MYO1D: variants seen among roughly 807,000 people sequenced by gnomAD.
MYO1D encodes the protein unconventional myosin-Id.
Under a neutral mutation model 122.0 loss-of-function variants are expected in MYO1D, and 83 were observed. The ratio of observed to expected loss-of-function variants is 0.68; its 90% CI spans 0.57 to 0.82. The LOEUF is 0.82. Ranked by LOEUF, MYO1D falls within the 40% of genes least tolerant of loss-of-function variation. The pLI is 0.00. For synonymous variants in MYO1D, 464 were observed against 446.9 expected (o/e 1.04, Z -0.48); for missense variants, 1,157 against 1,269.5 (o/e 0.91, Z 1.35).
chr17:32,607,713 T>C (rs1051664382), intron 20 of MYO1D, among the ~76,000 whole-genome samples: 3 of 152,304 alleles, frequency 2.0e-5, no homozygotes, highest in African/African-American at 7.2e-5. Flanking sequence ...ATAACAGTTT[T>C]GTAAATGAAG....
At chr17:32,776,179 A>G (rs1184683759) in intron 3 of MYO1D, 150 bp from the exon 4 acceptor site, 11 of 674,506 alleles carry the variant, frequency 1.6e-5, no homozygotes, top group Admixed American at 3.4e-5. Flanking sequence ...CAAACAAATT[A>G]ATGTCCACCA....
intron 21 of MYO1D, among the ~76,000 whole-genome samples, chr17:32,603,733 C>G (rs577336283): frequency 8.6e-5 from 13 of 151,972 alleles, no homozygotes; most frequent in East Asian, 1.9e-4. Flanking sequence ...CACTGTGTTA[C>G]CCAGGATGGT....
chr17:32,547,236 A>G (rs1240370238), intron 21 of MYO1D, among the ~76,000 whole-genome samples: 1 of 152,162 alleles, frequency 6.6e-6, no homozygotes, highest in Non-Finnish European at 1.5e-5. Context: ...AGCAGCAATC[A>G]AGTCTTTTTT....
intron 21 of MYO1D, among the ~76,000 whole-genome samples, chr17:32,582,680 G>T (rs1329810041): frequency 6.6e-6 from 1 of 152,096 alleles, no homozygotes; most frequent in Non-Finnish European, 1.5e-5. Flanking sequence ...TCAGTTGATA[G>T]TGTTCACATT....
chr17:32,739,875 T>C (rs1231861747), intron 13 of MYO1D, among the ~76,000 whole-genome samples: 1 of 152,126 alleles, frequency 6.6e-6, no homozygotes. Flanking sequence ...AATGTGTGGA[T>C]TGACTGGGTC....
chr17:32,511,605 C>CTTT (rs5819985), intron 21 of MYO1D, among the ~76,000 whole-genome samples: 5 of 143,640 alleles, frequency 3.5e-5, no homozygotes, highest in African/African-American at 1.0e-4. Context: ...CTGTATTGAA[C>CTTT]TTTTTTTTTT....
intron 1 of MYO1D, among the ~76,000 whole-genome samples, chr17:32,857,203 C>T (rs1389068147): frequency 6.6e-6 from 1 of 152,108 alleles, no homozygotes; most frequent in Non-Finnish European, 1.5e-5. Context: ...AGTAGCTGCC[C>T]CAATAATTAG....
Position 32,605,085 on chromosome 17 carries a change from A to G in MYO1D, c.2864+2T>C. 6.4e-7 allele frequency: 1 copy of G among 1,573,638 alleles called. No individual in the cohort carries two copies. Among genetic ancestry groups the G allele is most frequent in the Non-Finnish European group, 8.7e-7 (1 of 1,150,694 alleles). ...GTCTTAGTTACAAAAATCAAACTTT[A>G]CCTCTTGAAATGATTCACCAGCACT... On this transcript the variant is annotated splice_donor_variant, in intron 21 of 21. Transcript: ENST00000318217. LOFTEE classifies it high-confidence loss of function.
intron 5 of MYO1D, among the ~76,000 whole-genome samples, chr17:32,772,048 T>A (rs911759852): frequency 6.6e-6 from 1 of 152,232 alleles, no homozygotes; most frequent in Non-Finnish European, 1.5e-5. Flanking sequence ...ATGAGTAGTG[T>A]CTATTAAAGC....
intron 16 of MYO1D, among the ~76,000 whole-genome samples, chr17:32,710,236 T>C (rs1186752417): frequency 6.6e-6 from 1 of 152,038 alleles, no homozygotes; most frequent in Non-Finnish European, 1.5e-5. Flanking sequence ...TGGAACAGAA[T>C]AGAGCACACA....
At chr17:32,645,039 A>T (rs902751556) in intron 19 of MYO1D, among the ~76,000 whole-genome samples, 1 of 152,198 alleles carries the variant, frequency 6.6e-6, no homozygotes, top group Non-Finnish European at 1.5e-5. Flanking sequence ...ATGTTTTTGC[A>T]GTGGCTGGTA....
At chr17:32,556,518 G>A (rs2087069841) in intron 21 of MYO1D, among the ~76,000 whole-genome samples, 1 of 151,346 alleles carries the variant, frequency 6.6e-6, no homozygotes, top group Non-Finnish European at 1.5e-5. Context: ...CAAGCCCACT[G>A]TAAACCGTGC....
chr17:32,503,427 A>G (rs1909388111), intron 21 of MYO1D, among the ~76,000 whole-genome samples: 1 of 152,202 alleles, frequency 6.6e-6, no homozygotes, highest in Admixed American at 6.5e-5. Context: ...TTTCCTCTCA[A>G]TGGCATTCCC....
intron 1 of MYO1D, among the ~76,000 whole-genome samples, chr17:32,833,506 G>GT (rs1382210214): frequency 6.6e-6 from 1 of 152,172 alleles, no homozygotes; most frequent in Admixed American, 6.5e-5. Context: ...AGCAGCCGGA[G>GT]TAATTCCGTT....
intron 1 of MYO1D, among the ~76,000 whole-genome samples, chr17:32,820,406 A>G (rs997816762): frequency 6.6e-5 from 10 of 152,242 alleles, no homozygotes; most frequent in African/African-American, 2.4e-4. Flanking sequence ...AAAATGTGAT[A>G]TACACACATA....
chr17:32,718,158 C>A (rs2089469236), intron 15 of MYO1D, among the ~76,000 whole-genome samples: 2 of 152,106 alleles, frequency 1.3e-5, no homozygotes, highest in South Asian at 2.1e-4. Context: ...AATTTACATA[C>A]ACTAAAATAT....
At chr17:32,660,079 T>C (rs1325670413) in intron 16 of MYO1D, among the ~76,000 whole-genome samples, 2 of 152,202 alleles carry the variant, frequency 1.3e-5, no homozygotes, top group South Asian at 2.1e-4. Context: ...AATTAATCAC[T>C]GGCTCTTCCC....
rs116300459 is a variant in MYO1D at position 32,765,248 on chromosome 17, G to A, written c.832-167C>T. 2.6e-5 allele frequency among the ~76,000 whole-genome samples: 4 copies of A among 151,938 alleles called. 1 individual carries two copies. The highest frequency in any genetic ancestry group is 9.7e-5 in the African/African-American group (4 of 41,428). On this transcript the variant is annotated intron_variant, in intron 7 of 21. Transcript: ENST00000318217. ...TTCATCTACTTTTTCCCTTTCTCCG[G>A]ACACTCATCTATCTTTTTGCTTTCA...
chr17:32,789,270 T>A (rs1336593631), intron 1 of MYO1D, among the ~76,000 whole-genome samples: 1 of 152,200 alleles, frequency 6.6e-6, no homozygotes, highest in African/African-American at 2.4e-5. Context: ...CTTTCTCTTG[T>A]CTGATTGCTC....
Sources: allele counts gnomAD v4.1 joint callset (sites outside exome capture counted in the v4.1 genomes callset), GRCh38; gene constraint gnomAD v4.1.1; transcripts MANE v1.5; gene names NCBI Gene and HGNC (gene_info 2026-07-23, HGNC 2026-07-21).